Variants in OR2AT4 observed in about 807,000 individuals in gnomAD.
OR2AT4 encodes the protein olfactory receptor 2AT4.
A neutral mutation model predicts 10.3 loss-of-function variants in OR2AT4; 6 were observed. That is an observed-to-expected ratio of 0.58 (90% CI 0.32 to 1.15). OR2AT4 has a LOEUF of 1.15. Ranked by LOEUF, OR2AT4 falls within the 50% of genes most tolerant of loss-of-function variation. OR2AT4 has a pLI of 0.05. For synonymous variants in OR2AT4, 145 were observed against 159.1 expected, an observed-to-expected ratio of 0.91 and a Z score of 0.67; for missense variants, 354 against 393.8, an observed-to-expected ratio of 0.90 and a Z score of 0.85.
intron 1 of OR2AT4, among the ~76,000 whole-genome samples, chr11:75,093,822 T>C (rs1006625198): frequency 1.1e-4 from 9 of 83,354 alleles, no homozygotes; most frequent in African/African-American, 3.4e-4. Flanking sequence ...TTTTTTTTTT[T>C]TTTTTTTTTT....
At chr11:75,083,738 G>T in exon 2 of OR2AT4, 1 of 152,138 alleles carries the variant, frequency 6.6e-6, no homozygotes, top group East Asian at 1.9e-4. Flanking sequence ...TTGGGAGGCC[G>T]AGGCTGGTGG....
chr11:75,093,890 C>T (rs1184079517), intron 1 of OR2AT4, among the ~76,000 whole-genome samples: 1 of 131,932 alleles, frequency 7.6e-6, no homozygotes, highest in African/African-American at 2.8e-5. Flanking sequence ...GGTACAAGCT[C>T]GGCTCACTGC....
chr11:75,089,791 C>A, exon 2 of OR2AT4: 2 of 1,421,372 alleles, frequency 1.4e-6, no homozygotes, highest in Middle Eastern at 2.6e-4. Flanking sequence ...ACCATAGAAA[C>A]AAAGGATTCT....
At position 75,093,823 on chromosome 11, in the gene OR2AT4, T is replaced by C. The variant is rs1466530163; in HGVS notation, c.-652+3005A>G. ...CTTTTTCTTTTTCTTTTTTTTTTTT[T>C]TTTTTTTTTTTTTTTTGAGACAGAG... is the stretch of plus-strand genomic sequence containing the variant. On this transcript the variant is annotated intron_variant, in intron 1 of 1. Transcript: ENST00000641504. Among the ~76,000 whole-genome samples, 45 of 110,914 alleles carry C rather than the reference T, an allele frequency of 4.1e-4. 1 individual carries two copies. The highest frequency in any genetic ancestry group is 1.6e-3 in the African/African-American group (42 of 26,062). 72.8% of individuals were successfully genotyped at this position (110,914 alleles called of 152,430 possible).
chr11:75,087,135 G>A (rs1460974608), exon 2 of OR2AT4: 1 of 152,148 alleles, frequency 6.6e-6, no homozygotes, highest in East Asian at 1.9e-4. Context: ...ATGGAAAGAA[G>A]ACATTACTGG....
Position 75,089,331 on chromosome 11 carries a change from T to C in OR2AT4, c.383A>G (p.Tyr128Cys), listed in dbSNP as rs373756494. The C allele has an allele frequency of 8.1e-6, 13 of 1,614,192 alleles. No homozygotes were observed. The African/African-American group carries it at 1.5e-4, about 18-fold the overall frequency. ...GTGCAGTGGGTGGCAGATAGCCACA[T>C]AGCGGTCATAGGCCATGACCACCAG... The change falls in exon 2 of 2, where the codon TAT becomes TGT. Residue 128 changes from tyrosine (Y) to cysteine (C), a missense_variant. By Grantham distance (194) the Tyr-to-Cys change is radical. Coordinates refer to ENST00000641504, the Ensembl canonical transcript of OR2AT4.
chr11:75,096,005 G>A (rs1949347513), intron 1 of OR2AT4: 1 of 152,108 alleles, frequency 6.6e-6, no homozygotes, highest in Admixed American at 6.5e-5. Context: ...TCCCAGAAAT[G>A]GGCTGTGACT....
chr11:75,094,960 C>T (rs4435030), intron 1 of OR2AT4, among the ~76,000 whole-genome samples: 2 of 151,962 alleles, frequency 1.3e-5, no homozygotes, highest in Non-Finnish European at 2.9e-5. Context: ...TGCAAACTAC[C>T]TTATTCTGAA....
At chr11:75,084,540 T>C (rs1265513725) in exon 2 of OR2AT4, 2 of 152,162 alleles carry the variant, frequency 1.3e-5, no homozygotes, top group Admixed American at 6.5e-5. Flanking sequence ...CTCCACATAA[T>C]AGCAGAATAC....
At chr11:75,085,735 T>C (rs941200054) in exon 2 of OR2AT4, 1 of 152,102 alleles carries the variant, frequency 6.6e-6, no homozygotes, top group Non-Finnish European at 1.5e-5. Context: ...AGATATATTA[T>C]ATTCATGGAA....
At chr11:75,092,873 G>A (rs976562902) in intron 1 of OR2AT4, among the ~76,000 whole-genome samples, 5 of 151,908 alleles carry the variant, frequency 3.3e-5, no homozygotes, top group Admixed American at 6.6e-5. Context: ...AGGCTGAGGC[G>A]GGCGGATCAT....
At chr11:75,082,824 G>C (rs1456558228) in exon 2 of OR2AT4, 3 of 152,190 alleles carry the variant, frequency 2.0e-5, no homozygotes, top group African/African-American at 7.2e-5. Flanking sequence ...ACTCACGCCT[G>C]TAATCCCAGA....
At chr11:75,093,117 G>GT (rs1207835458) in intron 1 of OR2AT4, among the ~76,000 whole-genome samples, 8 of 152,084 alleles carry the variant, frequency 5.3e-5, no homozygotes, top group African/African-American at 1.9e-4. Context: ...ATAAATAAAT[G>GT]TTTTTTGTCA....
exon 2 of OR2AT4, chr11:75,088,577 A>ATT: frequency 1.7e-6 from 1 of 605,602 alleles, no homozygotes; most frequent in Non-Finnish European, 2.4e-6. Context: ...TGCCATGAAG[A>ATT]TTTTTTTTTT....
At chr11:75,091,426 G>A (rs1356018371) in intron 1 of OR2AT4, among the ~76,000 whole-genome samples, 1 of 152,084 alleles carries the variant, frequency 6.6e-6, no homozygotes, top group Non-Finnish European at 1.5e-5. Flanking sequence ...TTGACAAAAT[G>A]GATTTTAAAA....
intron 1 of OR2AT4, among the ~76,000 whole-genome samples, chr11:75,092,256 T>G (rs1410888799): frequency 6.6e-5 from 10 of 152,210 alleles, no homozygotes; most frequent in Admixed American, 6.5e-4. Context: ...AACTGGTACC[T>G]TCATACATTG....
At position 75,089,412 on chromosome 11, in the gene OR2AT4, G is replaced by A. The variant is rs201788098; in HGVS notation, c.302C>T (p.Ser101Phe). 2.1e-3 allele frequency: 3,396 copies of A among 1,614,144 alleles called. 87 individuals carry two copies. In the South Asian group the frequency reaches 0.034, roughly 16 times the overall value. Residue 101 changes from serine to phenylalanine, a missense_variant, in exon 2 of 2, where the codon TCC (serine) becomes TTC (phenylalanine). Transcript: ENST00000641504. ...GAAGAGGTACATCTGCAGTAAGCAG[G>A]AAGAAAAGCTGAGGAAGCGGTCCCC...
At chr11:75,094,472 G>A (rs532111914) in intron 1 of OR2AT4, among the ~76,000 whole-genome samples, 34 of 152,292 alleles carry the variant, frequency 2.2e-4, no homozygotes, top group African/African-American at 7.7e-4. Flanking sequence ...ATGAGGCAGG[G>A]CACAGGGGTT....
chr11:75,088,466 T>C (rs1949300337), exon 2 of OR2AT4: 4 of 240,378 alleles, frequency 1.7e-5, no homozygotes, highest in Middle Eastern at 2.7e-3. Flanking sequence ...TTTATTGAAA[T>C]GTTTATTTCA....
Sources: allele counts gnomAD v4.1 joint callset (sites outside exome capture counted in the v4.1 genomes callset), GRCh38; gene constraint gnomAD v4.1.1; transcripts MANE v1.5; gene names NCBI Gene and HGNC (gene_info 2026-07-23, HGNC 2026-07-21).